Variants in FMN1 observed in about 807,000 individuals in gnomAD.
The protein encoded by FMN1 is formin-1.
In FMN1, 110 loss-of-function variants were observed where a neutral mutation model predicts 132.4. The ratio of observed to expected loss-of-function variants is 0.83; its 90% CI spans 0.71 to 0.97. The LOEUF (loss-of-function observed/expected upper bound fraction) is 0.97. Ranked by LOEUF, FMN1 falls within the 50% of genes least tolerant of loss-of-function variation. The probability of loss-of-function intolerance (pLI) is 0.00; values close to 1 mark genes in which losing one functional copy is unlikely to be tolerated. For missense variants in FMN1, 1,792 were observed against 1,705.3 expected, an observed-to-expected ratio of 1.05 and a Z score of -0.90; for synonymous variants, 722 against 651.7, an observed-to-expected ratio of 1.11 and a Z score of -1.64.
chr15:33,025,269 A>G (rs189775855), intron 6 of FMN1, among the ~76,000 whole-genome samples: 4 of 152,344 alleles, frequency 2.6e-5, no homozygotes, highest in African/African-American at 9.6e-5. Flanking sequence ...GATATGAAAT[A>G]TCCCTCTACC....
chr15:33,045,336 G>C (rs2036629090), intron 6 of FMN1, among the ~76,000 whole-genome samples: 2 of 152,182 alleles, frequency 1.3e-5, no homozygotes, highest in African/African-American at 4.8e-5. Context: ...CAGGCCAGTA[G>C]CACCTCCCGA....
chr15:33,018,207 T>C (rs1050097008), intron 6 of FMN1, among the ~76,000 whole-genome samples: 3 of 152,114 alleles, frequency 2.0e-5, no homozygotes, highest in African/African-American at 7.2e-5. Context: ...TACTGCAAAA[T>C]ATGTATTTGG....
At chr15:32,948,714 ACTTC>A (rs1334895567) in intron 9 of FMN1, among the ~76,000 whole-genome samples, 3 of 151,900 alleles carry the variant, frequency 2.0e-5, no homozygotes, top group Admixed American at 6.6e-5. Flanking sequence ...ATTCACTTTT[ACTTC>A]CTTAATATTA....
chr15:33,015,827 T>A (rs60418549), intron 6 of FMN1, among the ~76,000 whole-genome samples: 27,852 of 152,280 alleles, frequency 0.18, 2,637 homozygotes, highest in Admixed American at 0.21. Flanking sequence ...TTTTGACAGT[T>A]AAATGTTTTA....
chr15:32,925,758 T>C (rs542958071), intron 10 of FMN1, among the ~76,000 whole-genome samples: 2 of 152,226 alleles, frequency 1.3e-5, no homozygotes, highest in South Asian at 4.2e-4. Flanking sequence ...GGGTGGAGTA[T>C]TGTTTGGAAA....
intron 5 of FMN1, chr15:33,067,490 T>C: frequency 6.2e-7 from 1 of 1,613,930 alleles, no homozygotes; most frequent in Non-Finnish European, 8.5e-7. Context: ...AATGACATCG[T>C]CTTTTGTCCC....
chr15:32,969,373 T>C lies in FMN1; in HGVS notation c.2328A>G (p.Arg776=). ...TCCTCTCTTCACAACCCCCTCGCCA[T>C]CTGTGTTCTAGCTCGTGTTTCAGAT... ...IENLKHELEH[R]WRGGCEERKD... The change falls in exon 8 of 21, where the codon AGA becomes AGG. Residue 776 remains arginine, a synonymous_variant. Coordinates refer to ENST00000616417, the MANE Select transcript of FMN1 (RefSeq NM_001277313.2). 1 of 1,613,992 alleles carries C rather than the reference T, an allele frequency of 6.2e-7. No homozygotes were observed. Among genetic ancestry groups the C allele is most frequent in the Non-Finnish European group, 8.5e-7 (1 of 1,179,896 alleles).
rs1365345001 is a variant in FMN1 at position 33,154,175 on chromosome 15, T to C, written c.740A>G (p.Asp247Gly). Residue 247 changes from aspartate to glycine, a missense_variant, in exon 4 of 21, where the codon GAC becomes GGC. This residue lies in a region of FMN1 where 638 missense variants were observed against 645.2 expected (regional missense o/e 0.99). Transcript: ENST00000616417. ...CGTCTCAAAGCTCCCAAAGCCAAGG[T>C]CTGTGTCTGGCGTCTTGGGAATATC... ...PPDIPKTPDTDLGFGSFETAF... is the reference protein window; with the variant it reads ...PPDIPKTPDTGLGFGSFETAF... The C allele has an allele frequency of 2.6e-6, 4 of 1,536,376 alleles. No individual in the cohort carries two copies. The highest frequency in any genetic ancestry group is 1.7e-4 in the Middle Eastern group (1 of 5,992).
At chr15:32,918,896 G>A (rs1194551365) in intron 10 of FMN1, among the ~76,000 whole-genome samples, 1 of 152,196 alleles carries the variant, frequency 6.6e-6, no homozygotes, top group African/African-American at 2.4e-5. Context: ...GAAAGGGTAG[G>A]TGGGAGCCCC....
rs7166061 is a variant in FMN1 at position 33,077,471 on chromosome 15, C to T, written c.2043+11328G>A. 1.1e-3 allele frequency among the ~76,000 whole-genome samples: 171 copies of T among 151,364 alleles called. 1 individual carries two copies. Among genetic ancestry groups the T allele is most frequent in the African/African-American group, 3.7e-3 (151 of 41,272 alleles). ...CGTTGGTGTGCTGTACCCAATAACT[C>T]GTCATTTACCTTAGGTATATCTCAT... On this transcript the variant is annotated intron_variant, in intron 5 of 20. Transcript: ENST00000616417.
intron 3 of FMN1, among the ~76,000 whole-genome samples, chr15:33,178,324 G>A (rs1965584238): frequency 6.6e-6 from 1 of 152,130 alleles, no homozygotes; most frequent in Non-Finnish European, 1.5e-5. Context: ...ACCATCTGAG[G>A]AGGTGCCTTT....
intron 6 of FMN1, among the ~76,000 whole-genome samples, chr15:33,023,068 A>G (rs1195858735): frequency 2.3e-5 from 2 of 86,032 alleles, no homozygotes; most frequent in Non-Finnish European, 5.1e-5. Flanking sequence ...CCAAAAAAAA[A>G]AAAAAAAAAG....
rs768239682 is a variant in FMN1, at chr15:32,999,009, C to G, written c.2223+9005G>C. ...CAAGAGGAATCTCAACACTAGTAAA[C>G]CAGTAAATCTAGTAACCTCACAACA... On this transcript the variant is annotated intron_variant, in intron 7 of 20. Coordinates refer to ENST00000616417, the MANE Select transcript of FMN1 (RefSeq NM_001277313.2). Among the ~76,000 whole-genome samples the G allele has an allele frequency of 3.3e-5, 5 of 152,262 alleles. No homozygotes were observed. The Middle Eastern group carries it at 0.014, about 414-fold the overall frequency.
At chr15:33,119,533 G>A (rs1013366553) in intron 4 of FMN1, among the ~76,000 whole-genome samples, 4 of 152,190 alleles carry the variant, frequency 2.6e-5, no homozygotes, top group African/African-American at 9.7e-5. Context: ...GGGCCAGACA[G>A]GTTTCGCCAC....
intron 6 of FMN1, among the ~76,000 whole-genome samples, chr15:33,048,640 A>AC (rs1340647784): frequency 0.017 from 2,575 of 147,402 alleles, 457 homozygotes; most frequent in South Asian, 0.095. Context: ...CCAAAAAAAA[A>AC]AAAAAAAAAC....
chr15:33,080,907 A>C (rs1211549744), intron 5 of FMN1, among the ~76,000 whole-genome samples: 2 of 151,424 alleles, frequency 1.3e-5, no homozygotes, highest in Non-Finnish European at 2.9e-5. Flanking sequence ...AAAAAATTCC[A>C]GAGACTAAAT....
chr15:33,001,780 T>G (rs914333672), intron 7 of FMN1, among the ~76,000 whole-genome samples: 1 of 143,346 alleles, frequency 7.0e-6, no homozygotes, highest in African/African-American at 2.5e-5. Flanking sequence ...ACTGCGGTGG[T>G]GCGCGCATGC....
chr15:33,079,553 G>T (rs1348263543), intron 5 of FMN1, among the ~76,000 whole-genome samples: 2 of 152,250 alleles, frequency 1.3e-5, no homozygotes, highest in African/African-American at 4.8e-5. Flanking sequence ...AACCTGGGAG[G>T]CAGAGGTTGG....
At chr15:33,151,830 T>C (rs1964451703) in intron 4 of FMN1, among the ~76,000 whole-genome samples, 1 of 152,168 alleles carries the variant, frequency 6.6e-6, no homozygotes, top group African/African-American at 2.4e-5. Context: ...ACTTTCCTGG[T>C]GAAGCATATT....
Sources: allele counts gnomAD v4.1 joint callset (sites outside exome capture counted in the v4.1 genomes callset), GRCh38; gene constraint gnomAD v4.1.1; regional missense constraint gnomAD v4.1.1; transcripts MANE v1.5; gene names NCBI Gene and HGNC (gene_info 2026-07-23, HGNC 2026-07-21).